The following TOP6BL variants were observed in gnomAD, a reference collection of about 807,000 sequenced individuals.
The protein encoded by TOP6BL is TOP6B like initiator of meiotic double strand breaks, also known as type 2 DNA topoisomerase 6 subunit B-like.
At chr11:66,764,496 CAAA>C in the TOP6BL span, among the ~76,000 whole-genome samples, 3 of 58,632 alleles carry the variant, frequency 5.1e-5, no homozygotes, top group Non-Finnish European at 7.9e-5. Flanking sequence ...ACTAAAAATA[CAAA>C]AAAAAAAAAA....
chr11:66,758,302 C>CTTCTTTTTTTTTT, the TOP6BL span: 1 of 67,318 alleles, frequency 1.5e-5, no homozygotes, highest in African/African-American at 7.1e-5. Flanking sequence ...TTTTCTTTTT[C>CTTCTTTTTTTTTT]TTTTTTTTTT....
chr11:66,790,478 T>G, the TOP6BL span, among the ~76,000 whole-genome samples: 3 of 152,182 alleles, frequency 2.0e-5, no homozygotes, highest in South Asian at 4.1e-4. Context: ...AAAACAGATT[T>G]GCTGGGTGTA....
the TOP6BL span, among the ~76,000 whole-genome samples, chr11:66,842,353 T>C: frequency 6.6e-6 from 1 of 152,204 alleles, no homozygotes; most frequent in Non-Finnish European, 1.5e-5. Context: ...AGGGAAAAGC[T>C]CATTGATCTG....
the TOP6BL span, among the ~76,000 whole-genome samples, chr11:66,815,542 A>G: frequency 6.6e-6 from 1 of 152,168 alleles, no homozygotes; most frequent in Non-Finnish European, 1.5e-5. Context: ...TCCACCACCT[A>G]CTGGCTCCCG....
At chr11:66,779,907 A>G in the TOP6BL span, among the ~76,000 whole-genome samples, 1 of 151,428 alleles carries the variant, frequency 6.6e-6, no homozygotes, top group Non-Finnish European at 1.5e-5. Context: ...TACTTTTACA[A>G]GGACAAAAAA....
At chr11:66,831,336 A>C in the TOP6BL span, among the ~76,000 whole-genome samples, 10 of 152,246 alleles carry the variant, frequency 6.6e-5, no homozygotes, top group Admixed American at 1.3e-4. Flanking sequence ...TTATAGCCCC[A>C]AAAATGAGAA....
At chr11:66,805,097 G>A in the TOP6BL span, among the ~76,000 whole-genome samples, 5 of 152,114 alleles carry the variant, frequency 3.3e-5, 1 homozygote, top group East Asian at 9.7e-4. Context: ...AGCCAGGCGT[G>A]GTGGTGTACG....
chr11:66,750,389 A>T, the TOP6BL span, among the ~76,000 whole-genome samples: 65 of 152,156 alleles, frequency 4.3e-4, no homozygotes, highest in African/African-American at 1.5e-3. Flanking sequence ...TCTACTAAAA[A>T]TATAAAAATT....
chr11:66,777,863 C>T, the TOP6BL span, among the ~76,000 whole-genome samples: 1 of 152,150 alleles, frequency 6.6e-6, no homozygotes, highest in East Asian at 1.9e-4. Context: ...CAAAGCAAGA[C>T]TCCATCCCCC....
chr11:66,779,471 C>T, the TOP6BL span, among the ~76,000 whole-genome samples: 1 of 152,204 alleles, frequency 6.6e-6, no homozygotes, highest in Non-Finnish European at 1.5e-5. Context: ...GATACCATCT[C>T]ACACCAGTTA....
chr11:66,785,435 A>G, the TOP6BL span, among the ~76,000 whole-genome samples: 5 of 152,090 alleles, frequency 3.3e-5, no homozygotes, highest in African/African-American at 1.2e-4. Context: ...GTTGATGTGT[A>G]TTATCGTTTT....
the TOP6BL span, among the ~76,000 whole-genome samples, chr11:66,777,063 C>T: frequency 2.0e-5 from 3 of 150,012 alleles, no homozygotes; most frequent in African/African-American, 7.3e-5. Context: ...ATATCTATAT[C>T]TATATATCTA....
the TOP6BL span, among the ~76,000 whole-genome samples, chr11:66,835,439 A>G: frequency 6.6e-6 from 1 of 152,258 alleles, no homozygotes; most frequent in Non-Finnish European, 1.5e-5. Flanking sequence ...TTCATATACC[A>G]TAAAATTTAC....
At chr11:66,754,187 C>T in the TOP6BL span, among the ~76,000 whole-genome samples, 1 of 152,214 alleles carries the variant, frequency 6.6e-6, no homozygotes, top group African/African-American at 2.4e-5. Flanking sequence ...AAACATTGTG[C>T]TCAGCACTCA....
At chr11:66,790,406 A>C in the TOP6BL span, among the ~76,000 whole-genome samples, 6 of 152,328 alleles carry the variant, frequency 3.9e-5, no homozygotes, top group South Asian at 1.0e-3. Context: ...CTATGTTAGC[A>C]TGGAGGAAGG....
At chr11:66,803,094 G>A in the TOP6BL span, among the ~76,000 whole-genome samples, 1 of 152,054 alleles carries the variant, frequency 6.6e-6, no homozygotes, top group African/African-American at 2.4e-5. Context: ...TTTTCTCATT[G>A]TTACTATCAA....
At chr11:66,839,371 A>G in the TOP6BL span, among the ~76,000 whole-genome samples, 1 of 152,402 alleles carries the variant, frequency 6.6e-6, no homozygotes, top group South Asian at 2.1e-4. Flanking sequence ...TGACAGAGCA[A>G]GAATTCAAAC....
the TOP6BL span, chr11:66,842,776 GC>G: frequency 7.1e-7 from 1 of 1,414,028 alleles, no homozygotes; most frequent in Admixed American, 2.6e-5. Context: ...GTTCTCCCAG[GC>G]TTCCCCTTGG....
chr11:66,746,530 A>C, the TOP6BL span, among the ~76,000 whole-genome samples: 1 of 152,078 alleles, frequency 6.6e-6, no homozygotes, highest in African/African-American at 2.4e-5. Flanking sequence ...GCCTGATCAA[A>C]ATGGAGAAAC....
Sources: gnomAD v4.1 joint callset for allele counts (sites outside exome capture counted in the v4.1 genomes callset) on GRCh38, gnomAD v4.1.1 for gene constraint, MANE v1.5 for transcripts, NCBI Gene and HGNC (gene_info 2026-07-23, HGNC 2026-07-21) for gene names.